ARK2C: variants seen among roughly 807,000 people sequenced by gnomAD.
The protein encoded by ARK2C is arkadia (RNF111) C-terminal like ring finger ubiquitin ligase 2C.
the ARK2C span, among the ~76,000 whole-genome samples, chr18:46,449,877 A>G: frequency 1.3e-5 from 2 of 152,156 alleles, no homozygotes; most frequent in African/African-American, 4.8e-5. Flanking sequence ...GGTGAAGGGA[A>G]TGGACTCTGC....
At chr18:46,334,395 G>T in the ARK2C span, 2 of 1,497,010 alleles carry the variant, frequency 1.3e-6, no homozygotes, top group Non-Finnish European at 1.8e-6. This position sits in a 1 kb window ranked among gnomAD's most constrained non-coding sequence, Gnocchi z 4.4. Flanking sequence ...GCACCGGGGC[G>T]GGGGCGGGCG....
chr18:46,348,906 G>C, the ARK2C span, among the ~76,000 whole-genome samples: 1 of 82,542 alleles, frequency 1.2e-5, no homozygotes, highest in Non-Finnish European at 2.5e-5. Context: ...CTTTCTGTGT[G>C]TGTGTGTGTG....
chr18:46,421,660 C>T, the ARK2C span, among the ~76,000 whole-genome samples: 1 of 152,166 alleles, frequency 6.6e-6, no homozygotes, highest in Non-Finnish European at 1.5e-5. Flanking sequence ...CTGTCTCTAA[C>T]CAAATCTTCT....
the ARK2C span, among the ~76,000 whole-genome samples, chr18:46,339,876 C>G: frequency 3.3e-5 from 5 of 152,248 alleles, no homozygotes; most frequent in Admixed American, 3.3e-4. Context: ...TTTCTCACCT[C>G]CTGCCCCACC....
At chr18:46,453,298 G>C in the ARK2C span, among the ~76,000 whole-genome samples, 1 of 152,184 alleles carries the variant, frequency 6.6e-6, no homozygotes, top group Non-Finnish European at 1.5e-5. Flanking sequence ...TAAGCTATTG[G>C]AGAAGAACAT....
At chr18:46,448,726 G>A in the ARK2C span, among the ~76,000 whole-genome samples, 19 of 152,304 alleles carry the variant, frequency 1.2e-4, no homozygotes, top group South Asian at 2.1e-4. Context: ...GCAGAGTGCC[G>A]AATCATGGGT....
chr18:46,435,238 A>G, the ARK2C span: 14 of 1,536,048 alleles, frequency 9.1e-6, no homozygotes, highest in African/African-American at 2.7e-5. Context: ...CTTGAGAACT[A>G]GTGGCCTGGG....
the ARK2C span, among the ~76,000 whole-genome samples, chr18:46,360,736 C>T: frequency 3.3e-5 from 5 of 152,294 alleles, no homozygotes; most frequent in Admixed American, 2.6e-4. Context: ...TTCCTGCAGG[C>T]CCCCCTTGCC....
the ARK2C span, chr18:46,447,432 G>A: frequency 1.1e-6 from 1 of 909,334 alleles, no homozygotes; most frequent in Non-Finnish European, 1.8e-6. Flanking sequence ...AAGGCTGGGA[G>A]ATGTAAAGTT....
At chr18:46,334,389 C>G in the ARK2C span, 1 of 1,514,340 alleles carries the variant, frequency 6.6e-7, no homozygotes, top group Non-Finnish European at 8.9e-7. The surrounding 1 kb of genome is among the most constrained non-coding windows in gnomAD (Gnocchi z 4.4). Flanking sequence ...CCGCAGGCAC[C>G]GGGGCGGGGG....
At chr18:46,447,255 A>C in the ARK2C span, among the ~76,000 whole-genome samples, 1 of 151,946 alleles carries the variant, frequency 6.6e-6, no homozygotes, top group Non-Finnish European at 1.5e-5. Context: ...CTCGATTTAG[A>C]TTCTTCTTTC....
chr18:46,397,961 GGT>G, the ARK2C span, among the ~76,000 whole-genome samples: 15 of 124,114 alleles, frequency 1.2e-4, no homozygotes, highest in South Asian at 2.9e-4. Flanking sequence ...GTGCATGTGG[GGT>G]GTGTGTGTGT....
the ARK2C span, among the ~76,000 whole-genome samples, chr18:46,407,798 G>A: frequency 1.3e-5 from 2 of 152,228 alleles, no homozygotes; most frequent in East Asian, 3.8e-4. Flanking sequence ...TATAGTTGGA[G>A]TGATGAGATC....
At chr18:46,360,571 CTCTCT>C in the ARK2C span, among the ~76,000 whole-genome samples, 1 of 152,200 alleles carries the variant, frequency 6.6e-6, no homozygotes, top group African/African-American at 2.4e-5. Context: ...GACTTTCCCT[CTCTCT>C]TCTCCTCTCC....
the ARK2C span, among the ~76,000 whole-genome samples, chr18:46,413,588 G>A: frequency 3.3e-5 from 5 of 152,202 alleles, no homozygotes; most frequent in Admixed American, 6.5e-5. Context: ...GGGAGAGAAG[G>A]TGAGCTGACA....
chr18:46,428,178 A>T, the ARK2C span, among the ~76,000 whole-genome samples: 1 of 152,126 alleles, frequency 6.6e-6, no homozygotes, highest in Non-Finnish European at 1.5e-5. Context: ...TGGGAGGCCG[A>T]GGCTGGCGGA....
chr18:46,455,559 G>A, the ARK2C span, among the ~76,000 whole-genome samples: 71 of 152,212 alleles, frequency 4.7e-4, no homozygotes, highest in East Asian at 2.1e-3. Context: ...CTTTATGGCC[G>A]GGCAAGGTGG....
chr18:46,387,455 G>A, the ARK2C span, among the ~76,000 whole-genome samples: 2 of 152,242 alleles, frequency 1.3e-5, no homozygotes, highest in Non-Finnish European at 2.9e-5. Flanking sequence ...GACAAGAAAT[G>A]TGTACAGAAC....
chr18:46,383,847 G>A, the ARK2C span, among the ~76,000 whole-genome samples: 27 of 152,134 alleles, frequency 1.8e-4, no homozygotes, highest in East Asian at 1.2e-3. Context: ...CACCGCGCCC[G>A]GCCACCATGT....
Sources: gnomAD v4.1 joint callset for allele counts (sites outside exome capture counted in the v4.1 genomes callset) on GRCh38, gnomAD v4.1.1 for gene constraint, Gnocchi (gnomAD v3.1) non-coding constraint, MANE v1.5 for transcripts, NCBI Gene and HGNC (gene_info 2026-07-23, HGNC 2026-07-21) for gene names.